ALPK3: variants seen among roughly 807,000 people sequenced by gnomAD.
The protein encoded by ALPK3 is alpha-protein kinase 3.
A neutral mutation model predicts 140.0 loss-of-function variants in ALPK3; 102 were observed. The ratio of observed to expected loss-of-function variants is 0.73; its 90% CI spans 0.62 to 0.86. The LOEUF (loss-of-function observed/expected upper bound fraction) is 0.86. Ranked by LOEUF, ALPK3 falls within the 40% of genes least tolerant of loss-of-function variation. The pLI is 0.00. For synonymous variants in ALPK3, 938 were observed against 898.5 expected (o/e 1.04, Z -0.79); for missense variants, 2,254 against 2,208.2 (o/e 1.02, Z -0.42).
Position 84,823,246 on chromosome 15 carries a change from C to T in ALPK3, c.144-84C>T, listed in dbSNP as rs1340667949. 2.3e-5 allele frequency: 34 copies of T among 1,498,130 alleles called. No individual in the cohort carries two copies. In the Middle Eastern group the frequency reaches 5.1e-4, roughly 23 times the overall value. The allele number at this position is 1,498,130 out of a possible 1,614,324, so 92.8% of individuals were successfully genotyped here. A position where few individuals can be genotyped will look rare whatever the true frequency, so the allele number is the denominator to read the frequency against. ...AGGCTTCTGGGCCCCAGATGGTGGC[C>T]GATTAATAGTTTGCGACTGTTGATT... On this transcript the variant is annotated intron_variant, in intron 1 of 13. Coordinates refer to ENST00000258888, the MANE Select transcript of ALPK3 (RefSeq NM_020778.5).
Position 84,841,230 on chromosome 15 carries a change from A to C in ALPK3, c.1653+298A>C, listed in dbSNP as rs190193163. Among the ~76,000 whole-genome samples the C allele has an allele frequency of 4.0e-3, 608 of 152,270 alleles. 1 individual carries two copies. The highest frequency in any genetic ancestry group is 6.2e-3 in the Non-Finnish European group (421 of 68,028). ...AGAAGATAATGTTCTCTGGGGTGGG[A>C]AAGGGGGCCAGTGGAGAGCTTTCTG... is the stretch of plus-strand genomic sequence containing the variant. On this transcript the variant is annotated intron_variant, in intron 5 of 13. Coordinates refer to ENST00000258888, the MANE Select transcript of ALPK3 (RefSeq NM_020778.5).
Position 84,840,538 on chromosome 15 carries a change from T to G in ALPK3, c.1259T>G (p.Leu420Arg). 2 of 1,604,634 alleles carry G rather than the reference T, an allele frequency of 1.2e-6. No homozygotes were observed. The highest frequency in any genetic ancestry group is 1.7e-6 in the Non-Finnish European group (2 of 1,176,254). ...EVYFSLKDMYLENTQAVRPLG... is the reference protein window; with the variant it reads ...EVYFSLKDMYRENTQAVRPLG... Reference sequence around the variant, plus strand: ...TATTTCTCCTTGAAGGACATGTACCTGGAGAACACCCAGGCAGTCAGGCCT... The same window carrying G: ...TATTTCTCCTTGAAGGACATGTACCGGGAGAACACCCAGGCAGTCAGGCCT... The change falls in exon 5 of 14, where the codon CTG becomes CGG. Residue 420 changes from leucine (L) to arginine (R), a missense_variant. Physicochemically the swap from Leu to Arg is moderately radical, Grantham distance 102 (BLOSUM62 -2). Around this residue, in one of 3 missense-constraint regions of ALPK3, gnomAD observed 2,088 missense variants for 2,022.9 expected, o/e 1.03. Coordinates refer to ENST00000258888, the MANE Select transcript of ALPK3 (RefSeq NM_020778.5).
rs1407682224 is a variant in ALPK3 at position 84,858,083 on chromosome 15, G to A, written c.3345G>A (p.Leu1115=). 2 of 1,567,772 alleles carry A rather than the reference G, an allele frequency of 1.3e-6. No homozygotes were observed. The highest frequency in any genetic ancestry group is 1.7e-6 in the Non-Finnish European group (2 of 1,160,494). Residue 1115 remains leucine, a synonymous_variant, in exon 6 of 14, where the codon CTG becomes CTA. Coordinates refer to ENST00000258888, the MANE Select transcript of ALPK3 (RefSeq NM_020778.5). ...ASQESSMAGR[L]GEAGGQAAPG... is the part of the protein sequence containing the mutation. Reference sequence around the variant, plus strand: ...AGGAGAGCAGCATGGCTGGTCGACTGGGGGAGGCGGGTGGGCAGGCAGCCC... The same window carrying A: ...AGGAGAGCAGCATGGCTGGTCGACTAGGGGAGGCGGGTGGGCAGGCAGCCC...
Position 84,860,062 on chromosome 15 carries a change from A to G in ALPK3, c.4119A>G (p.Glu1373=). The G allele has an allele frequency of 6.2e-7, 1 of 1,614,108 alleles. No homozygotes were observed. The highest frequency in any genetic ancestry group is 8.5e-7 in the Non-Finnish European group (1 of 1,180,000). Residue 1373 remains glutamate (E), a synonymous_variant, in exon 9 of 14, where the codon GAA becomes GAG. Coordinates refer to ENST00000258888, the MANE Select transcript of ALPK3 (RefSeq NM_020778.5). The part of the protein sequence containing the change: ...PEVLSGFISR[E]EGEVGEEIEM... ...TGTTGTCAGGATTCATCTCCAGAGAAGAAGGTGAAGGTATGGTTCCCCCCT... is the reference window on the plus strand; with the variant it reads ...TGTTGTCAGGATTCATCTCCAGAGAGGAAGGTGAAGGTATGGTTCCCCCCT...
chr15:84,854,487 A>G lies in ALPK3; in HGVS notation c.1654-1905A>G, dbSNP rs111770183. Among the ~76,000 whole-genome samples the G allele has an allele frequency of 3.0e-3, 462 of 152,186 alleles. 4 individuals are homozygous for G. Among genetic ancestry groups the G allele is most frequent in the African/African-American group, 0.01 (434 of 41,516 alleles). ...TTTTTAGTAGAAATGGGGTTTTACT[A>G]TGTTAGCCAGAGTGGTCTCAAACTC... On this transcript the variant is annotated intron_variant, in intron 5 of 13. Coordinates refer to ENST00000258888, the MANE Select transcript of ALPK3 (RefSeq NM_020778.5).
At chr15:84,827,443 G>C in intron 2 of ALPK3, 41 bp from the exon 3 acceptor site, 1 of 1,612,154 alleles carries the variant, frequency 6.2e-7, no homozygotes, top group Non-Finnish European at 8.5e-7. Context: ...GCTGTTTGTT[G>C]TGGGGAAGGC....
At chr15:84,854,097 A>G (rs1243510850) in intron 5 of ALPK3, among the ~76,000 whole-genome samples, 2 of 151,628 alleles carry the variant, frequency 1.3e-5, no homozygotes, top group Non-Finnish European at 2.9e-5. Context: ...TTAATTATGT[A>G]TATTTAAAAG....
intron 3 of ALPK3, among the ~76,000 whole-genome samples, chr15:84,837,143 G>A (rs1361630527): frequency 6.6e-6 from 1 of 152,210 alleles, no homozygotes. Flanking sequence ...AGTACAGGCA[G>A]CTCTTTCAAA....
chr15:84,820,570 T>G (rs1963410704), intron 1 of ALPK3, among the ~76,000 whole-genome samples: 1 of 151,988 alleles, frequency 6.6e-6, no homozygotes. Flanking sequence ...AACCTCCGCC[T>G]CCCAGGTTCA....
intron 9 of ALPK3, among the ~76,000 whole-genome samples, chr15:84,860,592 G>C (rs74727676): frequency 6.6e-6 from 1 of 152,244 alleles, no homozygotes; most frequent in African/African-American, 2.4e-5. Context: ...GGCACGTACT[G>C]CTCCTACAAG....
Position 84,857,523 on chromosome 15 carries a change from G to T in ALPK3, c.2785G>T (p.Ala929Ser), listed in dbSNP as rs199745991. The change falls in exon 6 of 14, where the codon GCC becomes TCC. Residue 929 changes from alanine (A) to serine (S), a missense_variant. Physicochemically the swap from Ala to Ser is moderately conservative, Grantham distance 99. This residue lies in a region of ALPK3 where 2,088 missense variants were observed against 2,022.9 expected (regional missense o/e 1.03). Transcript: ENST00000258888. ...TCAGAGTCACCCACCAGAAACCATG[G>T]CCACCAGCAGTGAGGGGGCCTGCGC... Reference protein sequence around the residue: ...PTQSHPPETMATSSEGACAQV... With the variant: ...PTQSHPPETMSTSSEGACAQV... The T allele has an allele frequency of 6.3e-7, 1 of 1,594,580 alleles. No individual in the cohort carries two copies. Among genetic ancestry groups the T allele is most frequent in the South Asian group, 1.1e-5 (1 of 87,662 alleles).
At chr15:84,850,179 C>T (rs1235741431) in intron 5 of ALPK3, among the ~76,000 whole-genome samples, 1 of 151,934 alleles carries the variant, frequency 6.6e-6, no homozygotes, top group African/African-American at 2.4e-5. Flanking sequence ...ACTACCAAAA[C>T]TTATGCAAAA....
In ALPK3 at chr15:84,858,021, GT is replaced by G. The variant is rs755244582; in HGVS notation, c.3286del (p.Ser1096ProfsTer38). ...SEGASEGEGE[V>X]SPEGPGLLGA... ...AGGAGCCAGTGAGGGTGAAGGAGAG[GT>G]TTCCCCTGAGGGGCCTGGCCTCCTG... is the stretch of plus-strand genomic sequence containing the variant. On this transcript the variant is annotated frameshift_variant, in exon 6 of 14. Coordinates refer to ENST00000258888, the MANE Select transcript of ALPK3 (RefSeq NM_020778.5). LOFTEE classifies it high-confidence loss of function. The G allele has an allele frequency of 1.3e-6, 2 of 1,585,724 alleles. No individual in the cohort carries two copies. Among genetic ancestry groups the G allele is most frequent in the South Asian group, 2.3e-5 (2 of 86,696 alleles).
rs1284091951 is a variant in ALPK3, at chr15:84,867,380, G to A, written c.4772+15G>A. ...AAACTCCGAGGGTGAGTGGTTCTTG[G>A]GGACAGAATGCCCTCTGGGCGTCTT... On this transcript the variant is annotated intron_variant, in intron 13 of 13. Transcript: ENST00000258888. The A allele has an allele frequency of 1.2e-6, 2 of 1,613,818 alleles. No individual in the cohort carries two copies. The highest frequency in any genetic ancestry group is 1.3e-5 in the African/African-American group (1 of 75,042).
chr15:84,840,292 G>T lies in ALPK3; in HGVS notation c.1013G>T (p.Ser338Ile), dbSNP rs751709092. Residue 338 changes from serine to isoleucine, a missense_variant, in exon 5 of 14, where the codon AGC (serine) becomes ATC (isoleucine). Around this residue, in one of 3 missense-constraint regions of ALPK3, gnomAD observed 2,088 missense variants for 2,022.9 expected, o/e 1.03. Transcript: ENST00000258888. The stretch of plus-strand genomic sequence containing the variant: ...CCAGAGTTAGAGAAGGCAGCCCAAA[G>T]CCGCCGTTCTTCAGAAAACTGCATC... ...RKPELEKAAQSRRSSENCIPS... is the reference protein window; with the variant it reads ...RKPELEKAAQIRRSSENCIPS... 1.1e-5 allele frequency: 17 copies of T among 1,613,828 alleles called. 1 individual carries two copies. In the South Asian group the frequency reaches 1.8e-4, roughly 17 times the overall value.
At position 84,858,302 on chromosome 15, in the gene ALPK3, C is replaced by T. The variant is rs1162922235; in HGVS notation, c.3564C>T (p.Ser1188=). The T allele has an allele frequency of 1.3e-6, 2 of 1,574,294 alleles. No homozygotes were observed. Among genetic ancestry groups the T allele is most frequent in the South Asian group, 1.2e-5 (1 of 86,268 alleles). Residue 1188 remains serine (S), a synonymous_variant, in exon 6 of 14, where the codon AGC becomes AGT. Coordinates refer to ENST00000258888, the MANE Select transcript of ALPK3 (RefSeq NM_020778.5). ...GEATTPEERE[S]PTVSPRGPRK... ...CAACCACACCTGAAGAAAGGGAGAG[C>T]CCCACGGTTTCCCCCCGGGGGCCCA...
intron 7 of ALPK3, 102 bp downstream of exon 7, chr15:84,859,492 A>T: frequency 6.9e-7 from 1 of 1,448,982 alleles, no homozygotes; most frequent in Non-Finnish European, 9.2e-7. Context: ...ATTAATCCTC[A>T]CAATAACCAG....
At chr15:84,821,316 G>C (rs1029622763) in intron 1 of ALPK3, among the ~76,000 whole-genome samples, 1 of 152,208 alleles carries the variant, frequency 6.6e-6, no homozygotes, top group African/African-American at 2.4e-5. Context: ...AGCTGGGGGA[G>C]GGGTCCTCTG....
intron 6 of ALPK3, among the ~76,000 whole-genome samples, chr15:84,858,884 A>T (rs899965031): frequency 6.6e-6 from 1 of 152,200 alleles, no homozygotes; most frequent in Non-Finnish European, 1.5e-5. Context: ...CTTTACAGAG[A>T]TGTCGCATGA....
Sources: gnomAD v4.1 joint callset for allele counts (sites outside exome capture counted in the v4.1 genomes callset) on GRCh38, gnomAD v4.1.1 for gene constraint, gnomAD v4.1.1 regional missense constraint, MANE v1.5 for transcripts, NCBI Gene and HGNC (gene_info 2026-07-23, HGNC 2026-07-21) for gene names.